Variants in ABTB2 observed in about 807,000 individuals in gnomAD.
ABTB2 encodes ankyrin repeat and BTB/POZ domain-containing protein 2.
In ABTB2, 56 loss-of-function variants were observed where a neutral mutation model predicts 104.1. The ratio of observed to expected loss-of-function variants is 0.54; its 90% confidence interval spans 0.43 to 0.67. The LOEUF is 0.67. ABTB2 is among the 30% of genes least tolerant of loss of function. The pLI is 0.00. For synonymous variants in ABTB2, 606 were observed against 608.2 expected (o/e 1.00, Z 0.05); for missense variants, 1,279 against 1,407.7 (o/e 0.91, Z 1.46).
chr11:34,283,686 A>G (rs989505629), intron 1 of ABTB2, among the ~76,000 whole-genome samples: 1 of 152,250 alleles, frequency 6.6e-6, no homozygotes, highest in Non-Finnish European at 1.5e-5. Context: ...GCCAGCCAGC[A>G]TAGAGGGTAG....
At position 34,197,446 on chromosome 11, in the gene ABTB2, G is replaced by T; in HGVS notation, c.1123C>A (p.Gln375Lys). 6.2e-7 allele frequency: 1 copy of T among 1,601,102 alleles called. No individual in the cohort carries two copies. Residue 375 changes from glutamine to lysine, a missense_variant, in exon 3 of 17, where the codon CAG becomes AAG. Coordinates refer to ENST00000435224, the MANE Select transcript of ABTB2 (RefSeq NM_145804.3). The stretch of plus-strand genomic sequence containing the variant: ...GCGTCGGGGGACCAAGTGATGGGCT[G>T]TGGCGGCTGGCGGGCCTGGCGGGCA... Reference protein sequence around the residue: ...SPARQARQPPQPITWSPDALH... With the variant: ...SPARQARQPPKPITWSPDALH...
chr11:34,229,211 G>C lies in ABTB2; in HGVS notation c.884-24521C>G, dbSNP rs546227053. Among the ~76,000 whole-genome samples the C allele has an allele frequency of 3.3e-5, 5 of 151,576 alleles. No homozygotes were observed. In the East Asian group the frequency reaches 5.8e-4, roughly 18 times the overall value. On this transcript the variant is annotated intron_variant, in intron 1 of 16. Coordinates refer to ENST00000435224, the MANE Select transcript of ABTB2 (RefSeq NM_145804.3). Reference sequence around the variant, plus strand: ...AGAATTATTTATTCTGGCCGGGTGCGGTGGCTCACGCCTGTAATCGCAGCA... The same window carrying C: ...AGAATTATTTATTCTGGCCGGGTGCCGTGGCTCACGCCTGTAATCGCAGCA...
chr11:34,183,636 T>G (rs528958181), intron 3 of ABTB2, among the ~76,000 whole-genome samples: 1 of 152,350 alleles, frequency 6.6e-6, no homozygotes, highest in South Asian at 2.1e-4. Flanking sequence ...CCTACCTTAG[T>G]GCCTGCACAG....
chr11:34,172,395 A>AATATATATATATAT (rs71037402), intron 4 of ABTB2, among the ~76,000 whole-genome samples: 8 of 29,056 alleles, frequency 2.8e-4, no homozygotes, highest in Non-Finnish European at 4.6e-4. Flanking sequence ...AAAAAAAAAA[A>AATATATATATATAT]ATATATATAT....
chr11:34,187,029 C>T (rs1051798476), intron 3 of ABTB2, among the ~76,000 whole-genome samples: 1 of 152,228 alleles, frequency 6.6e-6, no homozygotes, highest in Admixed American at 6.5e-5. Context: ...GAGCTGAGAT[C>T]TGTCTCTTAC....
At chr11:34,325,346 T>C (rs1032207491) in intron 1 of ABTB2, among the ~76,000 whole-genome samples, 6 of 152,198 alleles carry the variant, frequency 3.9e-5, no homozygotes, top group African/African-American at 1.4e-4. Context: ...GTATGTGTTC[T>C]TTCCCCATGG....
intron 1 of ABTB2, among the ~76,000 whole-genome samples, chr11:34,267,923 T>C (rs1854269611): frequency 2.0e-5 from 3 of 152,206 alleles, no homozygotes; most frequent in Admixed American, 2.0e-4. Flanking sequence ...ATGTAAAACA[T>C]GCTCCCTATT....
intron 1 of ABTB2, among the ~76,000 whole-genome samples, chr11:34,342,703 A>G (rs1855275527): frequency 6.6e-6 from 1 of 152,192 alleles, no homozygotes; most frequent in South Asian, 2.1e-4. Flanking sequence ...TTGAGAATTC[A>G]GTCTCTTGGC....
At chr11:34,224,136 T>A (rs1590221637) in intron 1 of ABTB2, among the ~76,000 whole-genome samples, 1 of 152,160 alleles carries the variant, frequency 6.6e-6, no homozygotes. Flanking sequence ...CTCAGCATCC[T>A]GAGTAGCTGA....
chr11:34,221,998 T>A (rs975896117), intron 1 of ABTB2, among the ~76,000 whole-genome samples: 3 of 152,118 alleles, frequency 2.0e-5, no homozygotes, highest in African/African-American at 7.2e-5. Context: ...TGAGTCGAGA[T>A]CGCACCATTG....
intron 1 of ABTB2, among the ~76,000 whole-genome samples, chr11:34,309,523 G>A (rs1349065333): frequency 6.6e-6 from 1 of 152,154 alleles, no homozygotes; most frequent in Non-Finnish European, 1.5e-5. Context: ...AACTCATGAC[G>A]GACAGAGTCA....
rs576866581 is a variant in ABTB2, at chr11:34,272,057, ATAC to A, written c.884-67370_884-67368del. ...TCTAGGTGGGTACTACCCAGTGGTCATACTACTTCTTATTGATGGTATCCAACT... is the reference window on the plus strand; with the variant it reads ...TCTAGGTGGGTACTACCCAGTGGTCATACTTCTTATTGATGGTATCCAACT... On this transcript the variant is annotated intron_variant, in intron 1 of 16. Coordinates refer to ENST00000435224, the MANE Select transcript of ABTB2 (RefSeq NM_145804.3). 2.3e-3 allele frequency among the ~76,000 whole-genome samples: 348 copies of A among 152,308 alleles called. 3 individuals carry two copies. Among genetic ancestry groups the A allele is most frequent in the African/African-American group, 7.7e-3 (322 of 41,560 alleles).
chr11:34,272,737 C>CAAAAA (rs1854335415), intron 1 of ABTB2, among the ~76,000 whole-genome samples: 13 of 138,190 alleles, frequency 9.4e-5, no homozygotes, highest in East Asian at 6.3e-4. Flanking sequence ...AAAAACCAAC[C>CAAAAA]AACCATACAC....
At chr11:34,285,579 A>G (rs1854496150) in intron 1 of ABTB2, among the ~76,000 whole-genome samples, 1 of 152,194 alleles carries the variant, frequency 6.6e-6, no homozygotes, top group East Asian at 1.9e-4. Context: ...AGGCCAGGCG[A>G]GGGTTCATCC....
At chr11:34,281,092 CAGGAATGGGA>C (rs1400869768) in intron 1 of ABTB2, among the ~76,000 whole-genome samples, 1 of 152,054 alleles carries the variant, frequency 6.6e-6, no homozygotes, top group African/African-American at 2.4e-5. Context: ...CTAGGCATTC[CAGGAATGGGA>C]ACCTCCACCC....
At chr11:34,294,186 A>G (rs1255934026) in intron 1 of ABTB2, among the ~76,000 whole-genome samples, 1 of 152,136 alleles carries the variant, frequency 6.6e-6, no homozygotes, top group Non-Finnish European at 1.5e-5. Context: ...TTAAAAAGTT[A>G]GCCAGGAGTG....
chr11:34,180,650 T>A (rs1405613439), intron 3 of ABTB2, among the ~76,000 whole-genome samples: 5 of 152,166 alleles, frequency 3.3e-5, no homozygotes, highest in Non-Finnish European at 4.4e-5. Flanking sequence ...CCACCTCCTC[T>A]CATTGCTAGA....
At position 34,356,885 on chromosome 11, in the gene ABTB2, G is replaced by A; in HGVS notation, c.699C>T (p.Ala233=). The change falls in exon 1 of 17, where the codon GCC becomes GCT. Residue 233 remains alanine (A), a synonymous_variant. Coordinates refer to ENST00000435224, the MANE Select transcript of ABTB2 (RefSeq NM_145804.3). The surrounding 1 kb of genome is among the most constrained non-coding windows in gnomAD (Gnocchi z 4.6). Reference sequence around the variant, plus strand: ...TCTCCTCCACCAGGTTCTCCATGCAGGCGGTGAGGGAGATGGCTGCGTACT... The same window carrying A: ...TCTCCTCCACCAGGTTCTCCATGCAAGCGGTGAGGGAGATGGCTGCGTACT... ...IHEYAAISLT[A]CMENLVEEIR... is the part of the protein sequence containing the mutation. 1 of 1,604,818 alleles carries A rather than the reference G, an allele frequency of 6.2e-7. No homozygotes were observed. The highest frequency in any genetic ancestry group is 8.5e-7 in the Non-Finnish European group (1 of 1,175,562).
chr11:34,204,125 T>C (rs1853376878), intron 2 of ABTB2, among the ~76,000 whole-genome samples: 1 of 152,092 alleles, frequency 6.6e-6, no homozygotes, highest in Admixed American at 6.5e-5. Flanking sequence ...TTTACTATAT[T>C]GAGGCTTTGG....
Sources: allele counts gnomAD v4.1 joint callset (sites outside exome capture counted in the v4.1 genomes callset), GRCh38; gene constraint gnomAD v4.1.1; non-coding constraint Gnocchi (gnomAD v3.1); transcripts MANE v1.5; gene names NCBI Gene and HGNC (gene_info 2026-07-23, HGNC 2026-07-21).